The following ERBB4 variants were observed in gnomAD, a reference collection of about 807,000 sequenced individuals.
The protein encoded by ERBB4 is erb-b2 receptor tyrosine kinase 4.
A neutral mutation model predicts 158.0 loss-of-function variants in ERBB4; 42 were observed. The observed-to-expected ratio is 0.27, with a 90% CI of 0.21 to 0.34. The LOEUF is 0.34. Ranked by LOEUF, ERBB4 falls within the 10% of genes least tolerant of loss-of-function variation. The probability of loss-of-function intolerance (pLI) is 1.00; values close to 1 mark genes in which losing one functional copy is unlikely to be tolerated. For missense variants in ERBB4, 1,333 were observed against 1,624.1 expected, an observed-to-expected ratio of 0.82 and a Z score of 3.08; for synonymous variants, 583 against 558.7, an observed-to-expected ratio of 1.04 and a Z score of -0.61.
At chr2:211,767,247 A>G (rs1166205884) in intron 4 of ERBB4, among the ~76,000 whole-genome samples, 2 of 152,216 alleles carry the variant, frequency 1.3e-5, no homozygotes, top group Non-Finnish European at 2.9e-5. Context: ...GAACACTTAC[A>G]TAATTACTCT....
chr2:212,284,844 T>C (rs761514157), intron 1 of ERBB4, among the ~76,000 whole-genome samples: 33 of 152,148 alleles, frequency 2.2e-4, no homozygotes, highest in African/African-American at 7.2e-5. Flanking sequence ...TGGCAGAATC[T>C]TCTCGGAAAA....
chr2:212,287,907 G>C (rs1196695349), intron 1 of ERBB4, among the ~76,000 whole-genome samples: 1 of 152,100 alleles, frequency 6.6e-6, no homozygotes, highest in African/African-American at 2.4e-5. Flanking sequence ...CTTTTGGAGG[G>C]TGGAGCATGG....
chr2:211,641,312 C>A (rs1016105255), intron 16 of ERBB4, among the ~76,000 whole-genome samples: 2 of 152,056 alleles, frequency 1.3e-5, no homozygotes, highest in African/African-American at 2.4e-5. Context: ...TCATTTTATG[C>A]GGTTTCACTT....
In ERBB4 at chr2:212,011,171, TTAAAG is replaced by T. The variant is rs564874638; in HGVS notation, c.235-63560_235-63556del. 5.5e-3 allele frequency among the ~76,000 whole-genome samples: 837 copies of T among 152,250 alleles called. 1 individual carries two copies. Among genetic ancestry groups the T allele is most frequent in the African/African-American group, 1.0e-2 (414 of 41,542 alleles). ...TTATGAAGATAACAGGATTAAGAGA[TTAAAG>T]TAAAGACAGGCATAAAAAATTATAT... On this transcript the variant is annotated intron_variant, in intron 2 of 27. Transcript: ENST00000342788.
chr2:212,050,995 C>T (rs906305536), intron 2 of ERBB4, among the ~76,000 whole-genome samples: 3 of 152,122 alleles, frequency 2.0e-5, no homozygotes, highest in Non-Finnish European at 2.9e-5. Context: ...CTTTTTGTAG[C>T]AAAGCCATAC....
intron 20 of ERBB4, among the ~76,000 whole-genome samples, chr2:211,523,703 G>A (rs2066254260): frequency 6.6e-6 from 1 of 152,014 alleles, no homozygotes; most frequent in African/African-American, 2.4e-5. Context: ...GAGTGTTACA[G>A]CTCATAAAAG....
intron 1 of ERBB4, among the ~76,000 whole-genome samples, chr2:212,508,446 T>C (rs1238692900): frequency 6.6e-6 from 1 of 152,128 alleles, no homozygotes; most frequent in Non-Finnish European, 1.5e-5. Flanking sequence ...AATTTAGAGG[T>C]CACATTTTAT....
intron 20 of ERBB4, among the ~76,000 whole-genome samples, chr2:211,487,324 A>T (rs1343951645): frequency 6.6e-6 from 1 of 151,950 alleles, no homozygotes; most frequent in South Asian, 2.1e-4. Context: ...ATCCAACTTT[A>T]TGACTATTTA....
chr2:212,439,173 G>C (rs903069155), intron 1 of ERBB4, among the ~76,000 whole-genome samples: 2 of 152,082 alleles, frequency 1.3e-5, no homozygotes, highest in Non-Finnish European at 2.9e-5. Flanking sequence ...GCTGAGATAG[G>C]CTCAAATTTA....
intron 1 of ERBB4, among the ~76,000 whole-genome samples, chr2:212,306,244 C>A (rs1476204037): frequency 2.6e-5 from 4 of 151,432 alleles, no homozygotes; most frequent in Non-Finnish European, 1.5e-5. Context: ...TTTAATTGCA[C>A]TTGACATTTC....
At chr2:211,557,173 C>T (rs920911480) in intron 20 of ERBB4, among the ~76,000 whole-genome samples, 21 of 152,154 alleles carry the variant, frequency 1.4e-4, no homozygotes, top group African/African-American at 2.9e-4. Flanking sequence ...TGGAAGACAA[C>T]GTAGACAATA....
At chr2:211,979,612 G>T (rs1200115622) in intron 2 of ERBB4, among the ~76,000 whole-genome samples, 2 of 152,032 alleles carry the variant, frequency 1.3e-5, no homozygotes, top group Admixed American at 6.5e-5. Flanking sequence ...ATCAGGTGTT[G>T]ATAGCCAAGA....
At chr2:212,039,851 A>G (rs1401599853) in intron 2 of ERBB4, among the ~76,000 whole-genome samples, 1 of 152,106 alleles carries the variant, frequency 6.6e-6, no homozygotes, top group Non-Finnish European at 1.5e-5. Flanking sequence ...AAAAAAGAAA[A>G]GAAAAGAAAA....
At chr2:211,538,715 C>A (rs1290466347) in intron 20 of ERBB4, among the ~76,000 whole-genome samples, 1 of 151,748 alleles carries the variant, frequency 6.6e-6, no homozygotes, top group Non-Finnish European at 1.5e-5. Flanking sequence ...TAGAACACCA[C>A]AGAAAGGCAC....
At chr2:212,499,913 T>G (rs1289517902) in intron 1 of ERBB4, among the ~76,000 whole-genome samples, 1 of 152,086 alleles carries the variant, frequency 6.6e-6, no homozygotes, top group Non-Finnish European at 1.5e-5. Flanking sequence ...CCTGTCTCTG[T>G]GCCTCAAGTC....
intron 5 of ERBB4, among the ~76,000 whole-genome samples, chr2:211,728,690 AC>A (rs2074346493): frequency 6.6e-6 from 1 of 151,884 alleles, no homozygotes; most frequent in Non-Finnish European, 1.5e-5. Flanking sequence ...CTTCTATTTG[AC>A]AGCTATTGCT....
intron 3 of ERBB4, among the ~76,000 whole-genome samples, chr2:211,885,731 T>A (rs1411095139): frequency 1.3e-5 from 2 of 152,156 alleles, no homozygotes. Context: ...AATGCTGAGA[T>A]TACAGATGTG....
intron 1 of ERBB4, among the ~76,000 whole-genome samples, chr2:212,335,184 A>C (rs1015223895): frequency 1.1e-4 from 17 of 151,916 alleles, no homozygotes; most frequent in Non-Finnish European, 2.2e-4. Context: ...GTTATATTTA[A>C]ACGATAAAGG....
chr2:212,191,943 CATATGTTAT>C lies in ERBB4; in HGVS notation c.83-67049_83-67041del, dbSNP rs1221077309. Among the ~76,000 whole-genome samples, 99 of 96,238 alleles carry C rather than the reference CATATGTTAT, an allele frequency of 1.0e-3. 1 individual carries two copies. The highest frequency in any genetic ancestry group is 7.4e-3 in the Admixed American group (50 of 6,768). The allele number at this position is 96,238 out of a possible 152,430, so 63.1% of individuals were successfully genotyped here. On this transcript the variant is annotated intron_variant, in intron 1 of 27. Coordinates refer to ENST00000342788, the MANE Select transcript of ERBB4 (RefSeq NM_005235.3). ...TATATGTTATATATTATATATGATG[CATATGTTAT>C]ATATGTTATATATGTTATATGTTAT... is the stretch of plus-strand genomic sequence containing the variant.
Sources: gnomAD v4.1 joint callset for allele counts (sites outside exome capture counted in the v4.1 genomes callset) on GRCh38, gnomAD v4.1.1 for gene constraint, MANE v1.5 for transcripts, NCBI Gene and HGNC (gene_info 2026-07-23, HGNC 2026-07-21) for gene names.